CADPS: variants seen among roughly 807,000 people sequenced by gnomAD.
CADPS encodes the protein calcium-dependent secretion activator 1.
In CADPS, 57 loss-of-function variants were observed where a neutral mutation model predicts 167.3. That is an observed-to-expected ratio of 0.34 (90% CI 0.28 to 0.42). The LOEUF (loss-of-function observed/expected upper bound fraction) is 0.42. Among genes scored for constraint, CADPS ranks in the 20% least tolerant of loss-of-function variants. The pLI is 1.00. For missense variants in CADPS, 1,414 were observed against 1,738.1 expected (o/e 0.81, Z 3.32); for synonymous variants, 676 against 635.3 (o/e 1.06, Z -0.96).
chr3:62,617,566 C>G (rs1217578483), intron 6 of CADPS, among the ~76,000 whole-genome samples: 1 of 151,970 alleles, frequency 6.6e-6, no homozygotes, highest in Non-Finnish European at 1.5e-5. Flanking sequence ...TGGAGAAACC[C>G]CAAAATGAAC....
At chr3:62,778,861 C>T (rs1037880441) in intron 1 of CADPS, among the ~76,000 whole-genome samples, 2 of 151,876 alleles carry the variant, frequency 1.3e-5, no homozygotes, top group Non-Finnish European at 2.9e-5. Flanking sequence ...TCTGTAACTG[C>T]ATGTGAAATG....
intron 6 of CADPS, among the ~76,000 whole-genome samples, chr3:62,622,911 T>G (rs73840534): frequency 0.028 from 4,311 of 152,294 alleles, 214 homozygotes; most frequent in African/African-American, 0.098. Flanking sequence ...TTCAGCTCAT[T>G]TGGAAATGTT....
At chr3:62,773,435 G>A (rs1249784266) in intron 1 of CADPS, among the ~76,000 whole-genome samples, 2 of 152,040 alleles carry the variant, frequency 1.3e-5, no homozygotes, top group African/African-American at 4.8e-5. Flanking sequence ...GAGTAATTCT[G>A]AAATGCAAGT....
Position 62,738,109 on chromosome 3 carries a change from G to A in CADPS, c.888+15332C>T, listed in dbSNP as rs550507319. 2.0e-5 allele frequency among the ~76,000 whole-genome samples: 3 copies of A among 152,112 alleles called. No homozygotes were observed. In the East Asian group the frequency reaches 5.8e-4, roughly 30 times the overall value. ...TTGAATAAGTGCACAATTGAATGTT[G>A]TTTTATCATTAATGGTGCATCCAGT... is the stretch of plus-strand genomic sequence containing the variant. On this transcript the variant is annotated intron_variant, in intron 3 of 29. Coordinates refer to ENST00000383710, the MANE Select transcript of CADPS (RefSeq NM_003716.4).
chr3:62,777,862 C>T (rs1006471575), intron 1 of CADPS, among the ~76,000 whole-genome samples: 4 of 152,282 alleles, frequency 2.6e-5, no homozygotes, highest in South Asian at 4.2e-4. Context: ...TCCTGATATT[C>T]AGAAGCAGGA....
At chr3:62,402,460 A>G (rs1706720998) in intron 29 of CADPS, among the ~76,000 whole-genome samples, 1 of 152,212 alleles carries the variant, frequency 6.6e-6, no homozygotes, top group Non-Finnish European at 1.5e-5. Flanking sequence ...TTATTATTTC[A>G]TGTAAACCAC....
Position 62,527,755 on chromosome 3 carries a change from T to C in CADPS, c.2291+5116A>G, listed in dbSNP as rs115430208. ...GCCGGTGGAAATGCTGAGTTAATAA[T>C]AGGTAAAAAACATCTTTTTACCTAA... is the stretch of plus-strand genomic sequence containing the variant. On this transcript the variant is annotated intron_variant, in intron 13 of 29. Transcript: ENST00000383710. 3.3e-3 allele frequency among the ~76,000 whole-genome samples: 505 copies of C among 152,254 alleles called. 6 individuals are homozygous for C. Among genetic ancestry groups the C allele is most frequent in the African/African-American group, 0.012 (478 of 41,534 alleles).
rs1439934856 is a variant in CADPS, at chr3:62,602,858, A to C, written c.1326-10110T>G. ...AGGCTTCCCCGGCTTAGTTAAAGGA[A>C]CTGCCAGCCACCCAGACATCATTCT... On this transcript the variant is annotated intron_variant, in intron 6 of 29. Coordinates refer to ENST00000383710, the MANE Select transcript of CADPS (RefSeq NM_003716.4). The surrounding 1 kb of genome is among the most constrained non-coding windows in gnomAD (Gnocchi z 4.4). 6.6e-6 allele frequency among the ~76,000 whole-genome samples: 1 copy of C among 152,074 alleles called. No homozygotes were observed. Among genetic ancestry groups the C allele is most frequent in the African/African-American group, 2.4e-5 (1 of 41,390 alleles).
intron 28 of CADPS, among the ~76,000 whole-genome samples, chr3:62,431,219 T>A (rs568092342): frequency 1.3e-5 from 2 of 152,226 alleles, no homozygotes; most frequent in African/African-American, 4.8e-5. Flanking sequence ...TGTGTCAAAG[T>A]CACCAGTCTA....
chr3:62,776,016 C>T (rs747783843), intron 1 of CADPS, among the ~76,000 whole-genome samples: 2 of 152,182 alleles, frequency 1.3e-5, no homozygotes, highest in African/African-American at 4.8e-5. Flanking sequence ...ATTGCTTTTG[C>T]ATCATTATTG....
intron 1 of CADPS, among the ~76,000 whole-genome samples, chr3:62,820,665 T>G (rs1198964784): frequency 6.6e-6 from 1 of 152,158 alleles, no homozygotes; most frequent in Non-Finnish European, 1.5e-5. Context: ...AACAGTTGAG[T>G]TCCTTGAATG....
chr3:62,781,333 C>T (rs2091557594), intron 1 of CADPS, among the ~76,000 whole-genome samples: 1 of 152,132 alleles, frequency 6.6e-6, no homozygotes, highest in African/African-American at 2.4e-5. Context: ...AACTTGAGGC[C>T]ATGTCAGAAT....
chr3:62,792,468 T>C (rs781318391), intron 1 of CADPS, among the ~76,000 whole-genome samples: 8 of 152,150 alleles, frequency 5.3e-5, no homozygotes, highest in Non-Finnish European at 1.2e-4. Context: ...CCTCCCACAG[T>C]GTTGGGATTA....
rs2055501184 is a variant in CADPS, at chr3:62,438,004, T to C, written c.3777+100A>G. The stretch of plus-strand genomic sequence containing the variant: ...AAGATTTAGTCTGAATCAGAACCAA[T>C]CCATTTTCTCAAAATGTGACTTATC... On this transcript the variant is annotated intron_variant, in intron 28 of 29. Transcript: ENST00000383710. This position sits in a 1 kb window ranked among gnomAD's most constrained non-coding sequence, Gnocchi z 4.7. 2 of 751,180 alleles carry C rather than the reference T, an allele frequency of 2.7e-6. No homozygotes were observed. The highest frequency in any genetic ancestry group is 1.7e-5 in the African/African-American group (1 of 57,192). 46.5% of individuals were successfully genotyped at this position (751,180 alleles called of 1,614,324 possible). A position where few individuals can be genotyped will look rare whatever the true frequency, so the allele number is the denominator to read the frequency against.
Position 62,421,739 on chromosome 3 carries a change from G to A in CADPS, c.3777+16365C>T, listed in dbSNP as rs371324469. On this transcript the variant is annotated intron_variant, in intron 28 of 29. Coordinates refer to ENST00000383710, the MANE Select transcript of CADPS (RefSeq NM_003716.4). This position sits in a 1 kb window ranked among gnomAD's most constrained non-coding sequence, Gnocchi z 4.7. Reference sequence around the variant, plus strand: ...ATGTCAGATTTCATAATAATATTGTGTGTGAGGCTGGAGACGCATTTGGAG... The same window carrying A: ...ATGTCAGATTTCATAATAATATTGTATGTGAGGCTGGAGACGCATTTGGAG... Among the ~76,000 whole-genome samples the A allele has an allele frequency of 8.5e-5, 13 of 152,146 alleles. No individual in the cohort carries two copies. Among genetic ancestry groups the A allele is most frequent in the African/African-American group, 2.9e-4 (12 of 41,432 alleles).
intron 3 of CADPS, 62 bp from the exon 4 acceptor site, chr3:62,662,456 A>G: frequency 7.0e-7 from 1 of 1,438,454 alleles, no homozygotes; most frequent in South Asian, 1.1e-5. Flanking sequence ...TAAACTCAGG[A>G]CATTCCATTT....
intron 18 of CADPS, among the ~76,000 whole-genome samples, chr3:62,498,931 G>C (rs992636814): frequency 2.0e-5 from 3 of 152,126 alleles, no homozygotes; most frequent in Non-Finnish European, 2.9e-5. Context: ...TTTGTTCATC[G>C]CTAGAAACAT....
intron 3 of CADPS, among the ~76,000 whole-genome samples, chr3:62,735,203 C>T (rs1340378704): frequency 3.3e-5 from 5 of 152,004 alleles, no homozygotes; most frequent in Non-Finnish European, 5.9e-5. Context: ...ATCAATCTCT[C>T]CACTTTAATG....
intron 17 of CADPS, 30 bp from the exon 18 acceptor site, chr3:62,499,298 A>G: frequency 3.4e-6 from 5 of 1,451,426 alleles, no homozygotes; most frequent in Non-Finnish European, 3.9e-6. Context: ...GTTAAAATTC[A>G]GCGAAAGTGG....
Sources: allele counts gnomAD v4.1 joint callset (sites outside exome capture counted in the v4.1 genomes callset), GRCh38; gene constraint gnomAD v4.1.1; non-coding constraint Gnocchi (gnomAD v3.1); transcripts MANE v1.5; gene names NCBI Gene and HGNC (gene_info 2026-07-23, HGNC 2026-07-21).